The following PTPRD variants were observed in gnomAD, a reference collection of about 807,000 sequenced individuals.
PTPRD encodes protein tyrosine phosphatase receptor type D.
In PTPRD, 34 loss-of-function variants were observed where a neutral mutation model predicts 214.5. The ratio of observed to expected loss-of-function variants is 0.16; its 90% CI spans 0.12 to 0.21. The LOEUF (loss-of-function observed/expected upper bound fraction) is 0.21, where lower values mean the gene tolerates loss of function less well. Ranked by LOEUF, PTPRD falls within the 10% of genes least tolerant of loss-of-function variation. The pLI, the probability that PTPRD is intolerant of heterozygous loss-of-function variation, is 1.00. For missense variants in PTPRD, 2,545 were observed against 2,398.7 expected (o/e 1.06, Z -1.27); for synonymous variants, 1,128 against 845.7 (o/e 1.33, Z -5.79).
At chr9:8,901,770 T>C (rs1371064185) in intron 11 of PTPRD, among the ~76,000 whole-genome samples, 1 of 152,212 alleles carries the variant, frequency 6.6e-6, no homozygotes, top group East Asian at 1.9e-4. Context: ...GCATATTCTC[T>C]TTCTAGATCT....
intron 9 of PTPRD, among the ~76,000 whole-genome samples, chr9:9,277,321 A>C (rs1946038255): frequency 6.6e-6 from 1 of 151,368 alleles, no homozygotes; most frequent in Non-Finnish European, 1.5e-5. Flanking sequence ...ATTTTTAGGA[A>C]GCTTCATATA....
chr9:9,905,761 A>G (rs1051732632), intron 5 of PTPRD, among the ~76,000 whole-genome samples: 1 of 152,032 alleles, frequency 6.6e-6, no homozygotes, highest in Admixed American at 6.6e-5. Flanking sequence ...GGACGAGTAG[A>G]TAAACAGACA....
chr9:9,451,612 A>T (rs962404464), intron 8 of PTPRD, among the ~76,000 whole-genome samples: 6 of 151,662 alleles, frequency 4.0e-5, no homozygotes, highest in Non-Finnish European at 7.4e-5. Context: ...TATGAATGAG[A>T]GAAAGTAGAA....
At chr9:8,320,996 T>C (rs1010085796) in intron 44 of PTPRD, among the ~76,000 whole-genome samples, 1 of 152,110 alleles carries the variant, frequency 6.6e-6, no homozygotes, top group Non-Finnish European at 1.5e-5. Flanking sequence ...GACAGGCATA[T>C]ATAAATAGTG....
intron 39 of PTPRD, among the ~76,000 whole-genome samples, chr9:8,370,217 C>G (rs887678323): frequency 1.5e-5 from 1 of 66,644 alleles, no homozygotes; most frequent in African/African-American, 2.9e-5. Flanking sequence ...TACACACACA[C>G]ACACACACAC....
At chr9:9,035,461 C>T (rs2099618516) in intron 10 of PTPRD, among the ~76,000 whole-genome samples, 1 of 152,048 alleles carries the variant, frequency 6.6e-6, no homozygotes, top group Non-Finnish European at 1.5e-5. Context: ...TGCCCCCATC[C>T]TACAATTTTC....
At chr9:9,288,267 A>G (rs1950116762) in intron 9 of PTPRD, among the ~76,000 whole-genome samples, 1 of 151,886 alleles carries the variant, frequency 6.6e-6, no homozygotes, top group Admixed American at 6.6e-5. Flanking sequence ...ATATTTATTC[A>G]GTATATTATG....
intron 4 of PTPRD, among the ~76,000 whole-genome samples, chr9:9,959,006 C>G (rs1202016485): frequency 6.6e-6 from 1 of 152,138 alleles, no homozygotes; most frequent in Non-Finnish European, 1.5e-5. Context: ...TAGGTATAAA[C>G]CCTGTTGTTT....
intron 2 of PTPRD, among the ~76,000 whole-genome samples, chr9:10,390,481 T>C (rs565528753): frequency 6.6e-6 from 1 of 151,972 alleles, no homozygotes; most frequent in South Asian, 2.1e-4. Flanking sequence ...GGAGGCTTAT[T>C]TCTGCCCACG....
chr9:8,403,070 A>C (rs910306181), intron 36 of PTPRD, among the ~76,000 whole-genome samples: 7 of 152,250 alleles, frequency 4.6e-5, no homozygotes, highest in East Asian at 1.9e-4. Flanking sequence ...TTTTCTTCCC[A>C]AAAAAACTGG....
chr9:9,225,232 T>C (rs934994475), intron 9 of PTPRD, among the ~76,000 whole-genome samples: 5 of 152,032 alleles, frequency 3.3e-5, no homozygotes, highest in Non-Finnish European at 7.4e-5. Flanking sequence ...AAAAAAATTT[T>C]TTTAAATTAT....
At chr9:9,172,586 T>C (rs555216097) in intron 10 of PTPRD, among the ~76,000 whole-genome samples, 6 of 152,272 alleles carry the variant, frequency 3.9e-5, no homozygotes, top group African/African-American at 1.4e-4. Flanking sequence ...GGCTTATTCA[T>C]GATAGATGTG....
At chr9:10,228,719 T>C (rs1203236444) in intron 3 of PTPRD, among the ~76,000 whole-genome samples, 2 of 149,794 alleles carry the variant, frequency 1.3e-5, no homozygotes, top group South Asian at 2.1e-4. Flanking sequence ...ATATATTATA[T>C]GTATAAATTA....
intron 3 of PTPRD, among the ~76,000 whole-genome samples, chr9:10,228,715 T>A (rs2099597510): frequency 6.7e-6 from 1 of 149,872 alleles, no homozygotes; most frequent in Non-Finnish European, 1.5e-5. Context: ...TAGAATATAT[T>A]ATATGTATAA....
chr9:9,085,586 T>C (rs538168686), intron 10 of PTPRD, among the ~76,000 whole-genome samples: 11 of 152,124 alleles, frequency 7.2e-5, no homozygotes, highest in Admixed American at 1.3e-4. Flanking sequence ...AATGGTCACA[T>C]TAGCACTTAT....
chr9:9,568,344 A>C, intron 8 of PTPRD, among the ~76,000 whole-genome samples: 1 of 151,920 alleles, frequency 6.6e-6, no homozygotes, highest in African/African-American at 2.4e-5. Flanking sequence ...AGGTCAAACG[A>C]TTAATTATAA....
chr9:10,250,908 C>T lies in PTPRD; in HGVS notation c.-545+90055G>A, dbSNP rs1488438067. Reference sequence around the variant, plus strand: ...GTAAAAATGTTTGTATACTGGCATCCACATCTTTTCTAAAAAATATTTGAT... The same window carrying T: ...GTAAAAATGTTTGTATACTGGCATCTACATCTTTTCTAAAAAATATTTGAT... On this transcript the variant is annotated intron_variant, in intron 3 of 45. Coordinates refer to ENST00000381196, the MANE Select transcript of PTPRD (RefSeq NM_002839.4). Among the ~76,000 whole-genome samples the T allele has an allele frequency of 2.0e-5, 3 of 151,604 alleles. 1 individual carries two copies. Among genetic ancestry groups the T allele is most frequent in the South Asian group, 4.2e-4 (2 of 4,814 alleles).
chr9:8,543,204 G>C (rs1050835647), intron 14 of PTPRD, among the ~76,000 whole-genome samples: 1 of 152,130 alleles, frequency 6.6e-6, no homozygotes, highest in African/African-American at 2.4e-5. Context: ...AAACAACCCA[G>C]AGCTGCTCAT....
intron 11 of PTPRD, among the ~76,000 whole-genome samples, chr9:8,840,406 C>G (rs1411614572): frequency 6.6e-6 from 1 of 152,210 alleles, no homozygotes; most frequent in Non-Finnish European, 1.5e-5. Flanking sequence ...GCTTGCTCCT[C>G]CTTGCCTTCT....
Sources: gnomAD v4.1 joint callset for allele counts (sites outside exome capture counted in the v4.1 genomes callset) on GRCh38, gnomAD v4.1.1 for gene constraint, MANE v1.5 for transcripts, NCBI Gene and HGNC (gene_info 2026-07-23, HGNC 2026-07-21) for gene names.